DENND1B: variants seen among roughly 807,000 people sequenced by gnomAD.
DENND1B encodes the protein DENN domain-containing protein 1B.
DENND1B carries 59 observed loss-of-function variants against 90.1 expected under a neutral mutation model. That is an observed-to-expected ratio of 0.65 (90% CI 0.53 to 0.81). The LOEUF is 0.81. Ranked by LOEUF, DENND1B falls within the 40% of genes least tolerant of loss-of-function variation. The pLI, the probability that DENND1B is intolerant of heterozygous loss-of-function variation, is 0.00. For synonymous variants in DENND1B, 337 were observed against 324.6 expected (o/e 1.04, Z -0.41); for missense variants, 862 against 912.6 (o/e 0.94, Z 0.71).
At chr1:197,738,821 C>T (rs1662952699) in intron 2 of DENND1B, among the ~76,000 whole-genome samples, 1 of 152,166 alleles carries the variant, frequency 6.6e-6, no homozygotes, top group African/African-American at 2.4e-5. Context: ...ACAGTGATCC[C>T]TGACAGAGAT....
intron 10 of DENND1B, among the ~76,000 whole-genome samples, chr1:197,627,783 T>C (rs1397988225): frequency 4.6e-5 from 7 of 152,106 alleles, no homozygotes; most frequent in Non-Finnish European, 8.8e-5. Context: ...GAAAACCCCA[T>C]TGTCTCAGCC....
intron 2 of DENND1B, among the ~76,000 whole-genome samples, chr1:197,759,008 C>T (rs949785885): frequency 8.3e-5 from 11 of 132,830 alleles, no homozygotes; most frequent in East Asian, 4.3e-4. Flanking sequence ...CTCTCTCTGT[C>T]GCCCAGGCTG....
At chr1:197,746,233 A>T (rs957741736) in intron 2 of DENND1B, among the ~76,000 whole-genome samples, 2 of 152,216 alleles carry the variant, frequency 1.3e-5, no homozygotes, top group Non-Finnish European at 2.9e-5. Flanking sequence ...TCTACTAAAA[A>T]TACAAAAAGA....
intron 2 of DENND1B, among the ~76,000 whole-genome samples, chr1:197,771,185 T>G (rs1656559930): frequency 6.6e-6 from 1 of 152,108 alleles, no homozygotes; most frequent in Admixed American, 6.6e-5. Context: ...GTGCTGGGAT[T>G]ATAGGCGTGA....
Position 197,692,395 on chromosome 1 carries a change from ACAAAGTTCTTCATAATCTGAC to A in DENND1B, c.127-18247_127-18227del, listed in dbSNP as rs141721168. Among the ~76,000 whole-genome samples the A allele has an allele frequency of 5.8e-3, 879 of 152,040 alleles. 7 individuals are homozygous for A. Among genetic ancestry groups the A allele is most frequent in the African/African-American group, 0.02 (812 of 41,542 alleles). On this transcript the variant is annotated intron_variant, in intron 3 of 22. Coordinates refer to ENST00000620048, the MANE Select transcript of DENND1B (RefSeq NM_001195215.2). ...AATGCCAAAGCAGTTAGCATAGTAT[ACAAAGTTCTTCATAATCTGAC>A]CAAACTACCTTTGTAGCCTCAGTAT...
chr1:197,694,170 T>A (rs1216586427), intron 3 of DENND1B, among the ~76,000 whole-genome samples: 1 of 151,254 alleles, frequency 6.6e-6, no homozygotes, highest in Non-Finnish European at 1.5e-5. Context: ...AATTCATGGA[T>A]AATTATTCAT....
intron 17 of DENND1B, 21 bp from the exon 18 acceptor site, chr1:197,546,011 C>A (rs1467105088): frequency 2.5e-6 from 4 of 1,577,610 alleles, no homozygotes; most frequent in African/African-American, 1.4e-5. Context: ...AAAACAGAAA[C>A]ATATTTCCAA....
At chr1:197,585,989 A>T (rs551788706) in intron 14 of DENND1B, among the ~76,000 whole-genome samples, 1 of 152,242 alleles carries the variant, frequency 6.6e-6, no homozygotes, top group Non-Finnish European at 1.5e-5. Context: ...ATTGTTAAAC[A>T]TTTCGTGGCA....
At chr1:197,517,714 T>G (rs971991728) in intron 20 of DENND1B, among the ~76,000 whole-genome samples, 5 of 151,922 alleles carry the variant, frequency 3.3e-5, no homozygotes, top group Non-Finnish European at 7.4e-5. Context: ...GTCTTCAGGA[T>G]AAAGCTCATA....
At chr1:197,695,020 T>G (rs916986224) in intron 3 of DENND1B, among the ~76,000 whole-genome samples, 1 of 151,276 alleles carries the variant, frequency 6.6e-6, no homozygotes, top group African/African-American at 2.4e-5. Context: ...AATATCACTA[T>G]GTTTTTCCAA....
At chr1:197,583,104 A>G (rs769462397) in intron 15 of DENND1B, 48 bp downstream of exon 15, 1 of 1,507,984 alleles carries the variant, frequency 6.6e-7, no homozygotes, top group Admixed American at 1.7e-5. Flanking sequence ...AATGTGTAAA[A>G]CTGACAATGT....
At chr1:197,755,764 C>G (rs1194138094) in intron 2 of DENND1B, among the ~76,000 whole-genome samples, 1 of 152,172 alleles carries the variant, frequency 6.6e-6, no homozygotes, top group East Asian at 1.9e-4. Flanking sequence ...CAACTCACAT[C>G]TTCTGTGGAT....
chr1:197,719,241 G>A (rs1477665544), intron 2 of DENND1B, among the ~76,000 whole-genome samples: 1 of 152,126 alleles, frequency 6.6e-6, no homozygotes, highest in African/African-American at 2.4e-5. Flanking sequence ...GCTTAAGCTA[G>A]AGATATTTGT....
rs76994523 is a variant in DENND1B at position 197,739,237 on chromosome 1, T to C, written c.83-24163A>G. Among the ~76,000 whole-genome samples the C allele has an allele frequency of 6.8e-4, 103 of 152,264 alleles. No homozygotes were observed. The East Asian group carries it at 0.02, about 29-fold the overall frequency. ...GTAACACCTTAGCAGTGGGACAAAA[T>C]CAGCACTGGACTGAAGATGACTCTG... On this transcript the variant is annotated intron_variant, in intron 2 of 22. Coordinates refer to ENST00000620048, the MANE Select transcript of DENND1B (RefSeq NM_001195215.2).
At chr1:197,665,723 C>T (rs1654874546) in intron 5 of DENND1B, among the ~76,000 whole-genome samples, 1 of 151,786 alleles carries the variant, frequency 6.6e-6, no homozygotes, top group African/African-American at 2.4e-5. Context: ...TCAACAAAAG[C>T]TCAAGAGACA....
At chr1:197,717,157 A>C (rs576440321) in intron 2 of DENND1B, among the ~76,000 whole-genome samples, 1 of 152,054 alleles carries the variant, frequency 6.6e-6, no homozygotes, top group South Asian at 2.1e-4. Context: ...TTTAGACCAC[A>C]TCTGACACAT....
At position 197,507,145 on chromosome 1, in the gene DENND1B, A is replaced by AC. The variant is rs959800375; in HGVS notation, c.*3314_*3315insG. 2 of 135,334 alleles carry AC rather than the reference A, an allele frequency of 1.5e-5. No individual in the cohort carries two copies. Among genetic ancestry groups the AC allele is most frequent in the African/African-American group, 5.4e-5 (2 of 37,248 alleles). The allele number at this position is 135,334 out of a possible 1,614,324, so 8.4% of individuals were successfully genotyped here. On this transcript the variant is annotated 3_prime_UTR_variant, in exon 23 of 23. Coordinates refer to ENST00000620048, the MANE Select transcript of DENND1B (RefSeq NM_001195215.2). Reference sequence around the variant, plus strand: ...ATCTCAGCTAATAACTTCCAGGCAAAACACATTATTATTATTATTATTATT... The same window carrying AC: ...ATCTCAGCTAATAACTTCCAGGCAAACACACATTATTATTATTATTATTATT...
At chr1:197,753,925 G>A (rs527409373) in intron 2 of DENND1B, among the ~76,000 whole-genome samples, 10 of 150,946 alleles carry the variant, frequency 6.6e-5, no homozygotes, top group Admixed American at 1.3e-4. Context: ...GCTTAAACCC[G>A]GGAGGCGGAG....
intron 8 of DENND1B, 115 bp downstream of exon 8, chr1:197,646,940 A>G: frequency 1.5e-6 from 1 of 681,574 alleles, no homozygotes; most frequent in African/African-American, 1.9e-5. Flanking sequence ...TTTTCTTAAG[A>G]GTCAAATTCA....
Sources: allele counts gnomAD v4.1 joint callset (sites outside exome capture counted in the v4.1 genomes callset), GRCh38; gene constraint gnomAD v4.1.1; transcripts MANE v1.5; gene names NCBI Gene and HGNC (gene_info 2026-07-23, HGNC 2026-07-21).